Variants in MICU1 observed in about 807,000 individuals in gnomAD.
The protein encoded by MICU1 is calcium uptake protein 1, mitochondrial.
Under a neutral mutation model 56.8 loss-of-function variants are expected in MICU1, and 45 were observed. The observed-to-expected ratio is 0.79, with a 90% CI of 0.62 to 1.02. MICU1 has a LOEUF of 1.02. Ranked by LOEUF, MICU1 falls within the 50% of genes least tolerant of loss-of-function variation. The probability of loss-of-function intolerance (pLI) is 0.00; values close to 1 mark genes in which losing one functional copy is unlikely to be tolerated. For synonymous variants in MICU1, 186 were observed against 195.1 expected, an observed-to-expected ratio of 0.95 and a Z score of 0.39; for missense variants, 504 against 587.1, an observed-to-expected ratio of 0.86 and a Z score of 1.46.
At chr10:72,482,638 A>C (rs1218241879) in intron 6 of MICU1, among the ~76,000 whole-genome samples, 2 of 151,886 alleles carry the variant, frequency 1.3e-5, no homozygotes, top group Non-Finnish European at 2.9e-5. Context: ...GCTCCTAAAA[A>C]CTGTCATAGT....
At chr10:72,497,703 CCA>C (rs1271218904) in intron 6 of MICU1, among the ~76,000 whole-genome samples, 1 of 152,124 alleles carries the variant, frequency 6.6e-6, no homozygotes, top group Non-Finnish European at 1.5e-5. Context: ...GGGCAAGTCT[CCA>C]CAGTTTGCTC....
chr10:72,585,281 T>C (rs1841017139), intron 1 of MICU1, among the ~76,000 whole-genome samples: 1 of 152,098 alleles, frequency 6.6e-6, no homozygotes, highest in Non-Finnish European at 1.5e-5. Flanking sequence ...AGTTCATTTT[T>C]TATCTAAAGC....
intron 3 of MICU1, among the ~76,000 whole-genome samples, chr10:72,555,881 G>T (rs1052863612): frequency 6.6e-6 from 1 of 152,136 alleles, no homozygotes; most frequent in African/African-American, 2.4e-5. Flanking sequence ...TTGTTAAAAG[G>T]GACATATTTT....
chr10:72,465,302 G>A (rs1178605227), intron 8 of MICU1, among the ~76,000 whole-genome samples: 8 of 102,504 alleles, frequency 7.8e-5, no homozygotes, highest in Non-Finnish European at 2.3e-5. Flanking sequence ...CCAGCCCATA[G>A]TTTTTTGTTT....
intron 8 of MICU1, among the ~76,000 whole-genome samples, chr10:72,448,187 A>ATT (rs1564875089): frequency 1.5e-5 from 1 of 65,024 alleles, no homozygotes; most frequent in Non-Finnish European, 3.1e-5. Context: ...ATATATATAT[A>ATT]TATATATTTT....
At chr10:72,459,572 G>T (rs1448470846) in intron 8 of MICU1, among the ~76,000 whole-genome samples, 1 of 152,018 alleles carries the variant, frequency 6.6e-6, no homozygotes, top group Non-Finnish European at 1.5e-5. Context: ...GCCCATCTTG[G>T]CTCATTTACT....
chr10:72,448,191 A>ATTTT lies in MICU1; in HGVS notation c.934-24821_934-24820insAAAA, dbSNP rs879641500. ...TGTGTGTGTATATATATATATATAT[A>ATTTT]TATTTTTTTTTTTTTTTTTTTTTTT... On this transcript the variant is annotated intron_variant, in intron 8 of 11. Coordinates refer to ENST00000361114, the MANE Select transcript of MICU1 (RefSeq NM_001195518.2). Among the ~76,000 whole-genome samples the ATTTT allele has an allele frequency of 1.8e-3, 71 of 39,468 alleles. 1 individual carries two copies. The highest frequency in any genetic ancestry group is 3.0e-3 in the Non-Finnish European group (51 of 17,230). 25.9% of individuals were successfully genotyped at this position (39,468 alleles called of 152,430 possible). A position where few individuals can be genotyped will look rare whatever the true frequency, so the allele number is the denominator to read the frequency against.
At chr10:72,481,353 CT>C (rs1417197062) in intron 6 of MICU1, among the ~76,000 whole-genome samples, 1 of 152,172 alleles carries the variant, frequency 6.6e-6, no homozygotes, top group Non-Finnish European at 1.5e-5. Flanking sequence ...TTTATTCTAA[CT>C]CATAATCTGT....
intron 1 of MICU1, among the ~76,000 whole-genome samples, chr10:72,590,848 A>T (rs7910128): frequency 0.39 from 21,911 of 56,050 alleles, 5,357 homozygotes; most frequent in African/African-American, 0.6. Flanking sequence ...AATAAAAATT[A>T]AAAAAAAAAA....
chr10:72,482,447 A>G (rs1028613546), intron 6 of MICU1, among the ~76,000 whole-genome samples: 2 of 152,174 alleles, frequency 1.3e-5, no homozygotes. Flanking sequence ...TGAGTTTTGA[A>G]AAAAACTTCC....
In MICU1 at chr10:72,416,476, C is replaced by T. The variant is rs529330053; in HGVS notation, c.1071+6758G>A. Among the ~76,000 whole-genome samples the T allele has an allele frequency of 3.9e-5, 6 of 152,198 alleles. No individual in the cohort carries two copies. The East Asian group carries it at 1.2e-3, about 29-fold the overall frequency. ...TATTCCACAAATGACTAATGTGGTT[C>T]AAATATCTGAGAATAAGTGAAAAAG... On this transcript the variant is annotated intron_variant, in intron 9 of 11. Transcript: ENST00000361114.
intron 8 of MICU1, among the ~76,000 whole-genome samples, chr10:72,441,808 C>A (rs558897098): frequency 6.6e-6 from 1 of 151,420 alleles, no homozygotes; most frequent in African/African-American, 2.4e-5. Flanking sequence ...AGTAGAGATG[C>A]GGTTTCACCA....
intron 11 of MICU1, among the ~76,000 whole-genome samples, chr10:72,370,228 C>T (rs1048579254): frequency 6.6e-6 from 1 of 152,098 alleles, no homozygotes; most frequent in Non-Finnish European, 1.5e-5. Context: ...ACAGTAACCA[C>T]TGTAATAGCA....
intron 8 of MICU1, among the ~76,000 whole-genome samples, chr10:72,438,298 A>G (rs971488031): frequency 6.6e-6 from 1 of 152,230 alleles, no homozygotes; most frequent in Non-Finnish European, 1.5e-5. Context: ...CTGAATGACT[A>G]CTGGGTAAAT....
At chr10:72,603,386 C>A (rs369939486) in intron 1 of MICU1, among the ~76,000 whole-genome samples, 87 of 129,620 alleles carry the variant, frequency 6.7e-4, no homozygotes, top group Non-Finnish European at 7.2e-4. Context: ...GACTCTGTCT[C>A]AAAAAAAAAA....
At chr10:72,464,106 G>T (rs558649317) in intron 8 of MICU1, among the ~76,000 whole-genome samples, 5 of 152,126 alleles carry the variant, frequency 3.3e-5, no homozygotes, top group African/African-American at 1.2e-4. Context: ...GACCAGCCTG[G>T]CCAACATAGT....
intron 9 of MICU1, among the ~76,000 whole-genome samples, chr10:72,417,796 T>C (rs996412205): frequency 6.6e-5 from 10 of 152,190 alleles, no homozygotes; most frequent in African/African-American, 1.2e-4. Flanking sequence ...TGATGGAGCA[T>C]TGCATCTCTC....
At chr10:72,457,384 A>ATT (rs5786076) in intron 8 of MICU1, among the ~76,000 whole-genome samples, 5 of 141,728 alleles carry the variant, frequency 3.5e-5, no homozygotes, top group African/African-American at 7.8e-5. Context: ...TGCTTGGCCC[A>ATT]TTTTTTTTTT....
intron 8 of MICU1, among the ~76,000 whole-genome samples, chr10:72,454,953 A>T (rs923894178): frequency 3.3e-5 from 5 of 152,186 alleles, no homozygotes; most frequent in African/African-American, 9.7e-5. Context: ...TGTTCCAATT[A>T]CTTTGGTTAG....
Sources: allele counts gnomAD v4.1 joint callset (sites outside exome capture counted in the v4.1 genomes callset), GRCh38; gene constraint gnomAD v4.1.1; transcripts MANE v1.5; gene names NCBI Gene and HGNC (gene_info 2026-07-23, HGNC 2026-07-21).